Variants in CTBP1 observed in about 807,000 individuals in gnomAD.
CTBP1 encodes the protein C-terminal-binding protein 1.
Under a neutral mutation model 42.1 loss-of-function variants are expected in CTBP1, and 11 were observed. The observed-to-expected ratio is 0.26, with a 90% CI of 0.16 to 0.43. CTBP1 has a LOEUF of 0.43. CTBP1 is among the 20% of genes least tolerant of loss of function. The pLI, the probability that CTBP1 is intolerant of heterozygous loss-of-function variation, is 1.00. For missense variants in CTBP1, 399 were observed against 624.3 expected, an observed-to-expected ratio of 0.64 and a Z score of 3.85; for synonymous variants, 324 against 277.1, an observed-to-expected ratio of 1.17 and a Z score of -1.68.
At position 1,245,309 on chromosome 4, in the gene CTBP1, G is replaced by C. The variant is rs1004440184; in HGVS notation, c.-189+3607C>G. On this transcript the variant is annotated intron_variant, in intron 1 of 9. Coordinates refer to ENST00000382952, the MANE Select transcript of CTBP1 (RefSeq NM_001012614.2). Reference sequence around the variant, plus strand: ...TCCTCTCCAGGACATCCGTGGAGCCGCACGTTTCCCTGTTTGTTCAGCGAG... The same window carrying C: ...TCCTCTCCAGGACATCCGTGGAGCCCCACGTTTCCCTGTTTGTTCAGCGAG... 5.1e-6 allele frequency: 5 copies of C among 985,322 alleles called. No individual in the cohort carries two copies. In the African/African-American group the frequency reaches 8.7e-5, roughly 17 times the overall value. The allele number at this position is 985,322 out of a possible 1,614,324, so 61.0% of individuals were successfully genotyped here.
intron 5 of CTBP1, among the ~76,000 whole-genome samples, chr4:1,220,217 A>AAG (rs1560238724): frequency 2.0e-5 from 3 of 148,504 alleles, no homozygotes; most frequent in East Asian, 2.0e-4. Flanking sequence ...AAAAAAAAAA[A>AAG]GGGGCAGAGA....
intron 3 of CTBP1, among the ~76,000 whole-genome samples, chr4:1,228,770 T>A (rs999746757): frequency 6.6e-6 from 1 of 151,472 alleles, no homozygotes; most frequent in Non-Finnish European, 1.5e-5. Context: ...TGCAGCTGGG[T>A]GGGGTGGCCA....
intron 5 of CTBP1, chr4:1,217,054 A>G (rs1315969264): frequency 6.6e-6 from 1 of 152,460 alleles, no homozygotes; most frequent in African/African-American, 2.4e-5. Context: ...CTCCCTGAGA[A>G]GACCAAGCTT....
intron 7 of CTBP1, 32 bp downstream of exon 7, chr4:1,214,311 G>C: frequency 6.6e-7 from 1 of 1,525,892 alleles, no homozygotes; most frequent in Non-Finnish European, 8.7e-7. Flanking sequence ...GGACAGGGAA[G>C]AGCAGGGGGG....
chr4:1,237,274 G>C (rs2108782025), intron 3 of CTBP1: 1 of 671,716 alleles, frequency 1.5e-6, no homozygotes, highest in East Asian at 2.8e-5. Context: ...CCTCCTCATG[G>C]GGCTCAGGGA....
At chr4:1,240,323 C>T (rs1209743907) in intron 2 of CTBP1, among the ~76,000 whole-genome samples, 14 of 137,054 alleles carry the variant, frequency 1.0e-4, no homozygotes, top group African/African-American at 1.7e-4. Context: ...GAGTGGGAAC[C>T]GGGTCCCTCG....
At chr4:1,226,347 GGGA>G (rs1345309776) in intron 4 of CTBP1, among the ~76,000 whole-genome samples, 1 of 152,066 alleles carries the variant, frequency 6.6e-6, no homozygotes, top group Admixed American at 6.5e-5. Flanking sequence ...CGTCTCCCTG[GGGA>G]GGAGGAGGGG....
chr4:1,242,379 C>G (rs1381393937), intron 1 of CTBP1: 1 of 985,386 alleles, frequency 1.0e-6, no homozygotes, highest in Non-Finnish European at 1.2e-6. Context: ...AGCCGGCCAC[C>G]ACCAGCCCAG....
intron 5 of CTBP1, among the ~76,000 whole-genome samples, chr4:1,223,896 G>A (rs537541737): frequency 6.6e-5 from 10 of 152,334 alleles, no homozygotes; most frequent in East Asian, 5.8e-4. Flanking sequence ...CCGGTTCACC[G>A]CTGCATGCCG....
chr4:1,236,426 G>T, intron 3 of CTBP1: 1 of 563,932 alleles, frequency 1.8e-6, no homozygotes, highest in Non-Finnish European at 3.2e-6. Context: ...GCGCAACTGG[G>T]GCCGGGGGAA....
chr4:1,238,656 C>T lies in CTBP1; in HGVS notation c.8-319G>A, dbSNP rs1012685077. 6.6e-6 allele frequency among the ~76,000 whole-genome samples: 1 copy of T among 151,066 alleles called. No individual in the cohort carries two copies. Among genetic ancestry groups the T allele is most frequent in the Admixed American group, 6.6e-5 (1 of 15,174 alleles). Reference sequence around the variant, plus strand: ...CGAGATCCTCCCAGACCCTCTGAGACCCTCTCACACCCTCCAAGACCCTCC... The same window carrying T: ...CGAGATCCTCCCAGACCCTCTGAGATCCTCTCACACCCTCCAAGACCCTCC... On this transcript the variant is annotated intron_variant, in intron 2 of 9. Transcript: ENST00000382952. This position sits in a 1 kb window ranked among gnomAD's most constrained non-coding sequence, Gnocchi z 5.9.
rs190574111 is a variant in CTBP1, at chr4:1,232,193, C to A, written c.163-3850G>T. ...GGATACGCTGGGATGACAGGCACAG[C>A]CCCTGCACCAGCTCTGAGTGTTATC... On this transcript the variant is annotated intron_variant, in intron 3 of 9. Coordinates refer to ENST00000382952, the MANE Select transcript of CTBP1 (RefSeq NM_001012614.2). 1.7e-3 allele frequency among the ~76,000 whole-genome samples: 252 copies of A among 152,356 alleles called. 1 individual carries two copies. The highest frequency in any genetic ancestry group is 4.4e-3 in the African/African-American group (185 of 41,578).
chr4:1,248,887 GC>G (rs1733065547), intron 1 of CTBP1, 28 bp downstream of exon 1: 1 of 967,732 alleles, frequency 1.0e-6, no homozygotes, highest in Non-Finnish European at 1.2e-6. Context: ...CCCGCCCGCG[GC>G]CGGAAACGCG....
chr4:1,227,902 C>G (rs1426738212), intron 4 of CTBP1, among the ~76,000 whole-genome samples: 2 of 152,242 alleles, frequency 1.3e-5, no homozygotes, highest in Non-Finnish European at 2.9e-5. Flanking sequence ...TGCCCTCACC[C>G]CCAGGGTCCC....
chr4:1,241,011 G>A (rs1427800843), intron 2 of CTBP1, among the ~76,000 whole-genome samples: 1 of 152,196 alleles, frequency 6.6e-6, no homozygotes, highest in African/African-American at 2.4e-5. Flanking sequence ...TCCGTGTGGG[G>A]CTCCACCCTC....
At chr4:1,228,676 C>G (rs1426602232) in intron 3 of CTBP1, among the ~76,000 whole-genome samples, 1 of 151,316 alleles carries the variant, frequency 6.6e-6, no homozygotes, top group African/African-American at 2.4e-5. Context: ...AGACTCTGCT[C>G]AGCCTTGTGG....
Position 1,241,362 on chromosome 4 carries a change from T to C in CTBP1, c.-31A>G, listed in dbSNP as rs760734058. The C allele has an allele frequency of 1.4e-5, 14 of 1,025,618 alleles. No homozygotes were observed. Among genetic ancestry groups the C allele is most frequent in the African/African-American group, 7.9e-5 (5 of 63,670 alleles). 63.5% of individuals were successfully genotyped at this position (1,025,618 alleles called of 1,614,324 possible). ...AATATGGGCTCAGCTTCCACGACCA[T>C]GAATTCGACTTTTCAAAGCTTTTTA... On this transcript the variant is annotated 5_prime_UTR_variant, in exon 2 of 10. An upstream start codon of the reference 5' UTR is lost. Coordinates refer to ENST00000382952, the MANE Select transcript of CTBP1 (RefSeq NM_001012614.2).
chr4:1,232,138 G>A (rs550498055), intron 3 of CTBP1, among the ~76,000 whole-genome samples: 46 of 152,330 alleles, frequency 3.0e-4, no homozygotes, highest in Non-Finnish European at 5.9e-4. Context: ...TGACCTCCTA[G>A]GCTGAAGCGA....
chr4:1,212,852 G>A, intron 9 of CTBP1, 61 bp downstream of exon 9: 1 of 1,423,398 alleles, frequency 7.0e-7, no homozygotes, highest in Non-Finnish European at 9.9e-7. Flanking sequence ...GGGCTGTGCT[G>A]GGATCCAGGG....
Sources: allele counts gnomAD v4.1 joint callset (sites outside exome capture counted in the v4.1 genomes callset), GRCh38; gene constraint gnomAD v4.1.1; non-coding constraint Gnocchi (gnomAD v3.1); transcripts MANE v1.5; gene names NCBI Gene and HGNC (gene_info 2026-07-23, HGNC 2026-07-21).